Variants in SPIDR observed in about 807,000 individuals in gnomAD.
SPIDR encodes the protein scaffold protein involved in DNA repair.
SPIDR carries 93 observed loss-of-function variants against 104.6 expected under a neutral mutation model. That is an observed-to-expected ratio of 0.89 (90% CI 0.75 to 1.06). The LOEUF (loss-of-function observed/expected upper bound fraction) is 1.06, where lower values mean the gene tolerates loss of function less well. Among genes scored for constraint, SPIDR ranks in the 50% least tolerant of loss-of-function variants. SPIDR has a pLI of 0.00. For missense variants in SPIDR, 1,154 were observed against 1,111.2 expected (o/e 1.04, Z -0.55); for synonymous variants, 431 against 416.9 (o/e 1.03, Z -0.41).
intron 8 of SPIDR, among the ~76,000 whole-genome samples, chr8:47,564,298 C>T (rs1424705236): frequency 1.3e-5 from 2 of 151,874 alleles, no homozygotes; most frequent in African/African-American, 2.4e-5. Context: ...AGGATGGTCT[C>T]GATCTCTTGA....
At chr8:47,660,889 A>G (rs2074003407) in intron 10 of SPIDR, 2 of 930,290 alleles carry the variant, frequency 2.1e-6, no homozygotes, top group African/African-American at 1.8e-5. Context: ...AGTTAACTGC[A>G]TGTGTAACAA....
chr8:47,478,960 A>G (rs1415551125), intron 8 of SPIDR, among the ~76,000 whole-genome samples: 1 of 152,178 alleles, frequency 6.6e-6, no homozygotes, highest in East Asian at 1.9e-4. Flanking sequence ...GTAATAATAC[A>G]TGATTTGCTT....
intron 8 of SPIDR, among the ~76,000 whole-genome samples, chr8:47,556,835 C>T (rs1398284873): frequency 6.6e-6 from 1 of 152,096 alleles, no homozygotes; most frequent in Non-Finnish European, 1.5e-5. Context: ...AACTCCTGGC[C>T]TCAAGCAGCC....
intron 8 of SPIDR, among the ~76,000 whole-genome samples, chr8:47,447,505 C>T (rs575506081): frequency 2.0e-5 from 3 of 152,296 alleles, no homozygotes; most frequent in African/African-American, 4.8e-5. Flanking sequence ...TGAGCCACCG[C>T]GCCTGGCCAG....
intron 10 of SPIDR, among the ~76,000 whole-genome samples, chr8:47,659,510 G>GT (rs2073648476): frequency 6.6e-6 from 1 of 152,228 alleles, no homozygotes; most frequent in Admixed American, 6.5e-5. Flanking sequence ...GAGGCTGGTT[G>GT]TTTTTTGAGA....
At chr8:47,719,564 C>T (rs116849876) in intron 16 of SPIDR, among the ~76,000 whole-genome samples, 3,945 of 152,182 alleles carry the variant, frequency 0.026, 77 homozygotes, top group Non-Finnish European at 0.04. Context: ...AGTCTGATTA[C>T]GGCCAGCATT....
At chr8:47,729,182 TG>T in intron 18 of SPIDR, 135 bp downstream of exon 18, 2 of 1,526,352 alleles carry the variant, frequency 1.3e-6, no homozygotes, top group South Asian at 1.2e-5. Flanking sequence ...GGCTTGCATC[TG>T]GAACTCCCTC....
rs192012254 is a variant in SPIDR, at chr8:47,550,532, T to G, written c.1098-45279T>G. ...TTTTTTATTCTCTTTGAAGCAGTTG[T>G]GAATGGCAGTTCACTCATGATTTGG... is the stretch of plus-strand genomic sequence containing the variant. On this transcript the variant is annotated intron_variant, in intron 8 of 19. Coordinates refer to ENST00000297423, the MANE Select transcript of SPIDR (RefSeq NM_001080394.4). Among the ~76,000 whole-genome samples, 16 of 152,346 alleles carry G rather than the reference T, an allele frequency of 1.1e-4. 1 individual carries two copies. The highest frequency in any genetic ancestry group is 3.4e-3 in the Middle Eastern group (1 of 294).
chr8:47,564,282 T>A (rs1401538305), intron 8 of SPIDR, among the ~76,000 whole-genome samples: 1 of 152,028 alleles, frequency 6.6e-6, no homozygotes, highest in Admixed American at 6.5e-5. Context: ...TTTCGCCATA[T>A]TGGCCAGGAT....
intron 5 of SPIDR, among the ~76,000 whole-genome samples, chr8:47,326,136 T>C (rs2047623879): frequency 1.3e-5 from 2 of 152,170 alleles, no homozygotes; most frequent in African/African-American, 4.8e-5. Flanking sequence ...CTAAGACTAG[T>C]GGTGCATGCC....
chr8:47,606,483 AC>A (rs2062966182), intron 10 of SPIDR, among the ~76,000 whole-genome samples: 1 of 151,536 alleles, frequency 6.6e-6, no homozygotes. Context: ...CCGAGATCGC[AC>A]CACTGCACTC....
chr8:47,448,524 A>G (rs1311289188), intron 8 of SPIDR, among the ~76,000 whole-genome samples: 5 of 152,212 alleles, frequency 3.3e-5, no homozygotes, highest in Non-Finnish European at 7.3e-5. Context: ...GAGAAAAGTA[A>G]TATAAACAAG....
At chr8:47,594,447 C>T (rs552270658) in intron 8 of SPIDR, among the ~76,000 whole-genome samples, 11 of 152,060 alleles carry the variant, frequency 7.2e-5, no homozygotes, top group Non-Finnish European at 1.3e-4. Flanking sequence ...GCTCTCATTA[C>T]AGCCCAATGA....
intron 8 of SPIDR, among the ~76,000 whole-genome samples, chr8:47,444,096 C>A (rs1290464421): frequency 6.6e-6 from 1 of 152,114 alleles, no homozygotes; most frequent in Non-Finnish European, 1.5e-5. Flanking sequence ...AATCTCATGT[C>A]CCATAGTTTC....
intron 7 of SPIDR, 31 bp from the exon 8 acceptor site, chr8:47,440,291 AT>A (rs2069162376): frequency 6.3e-7 from 1 of 1,590,016 alleles, no homozygotes; most frequent in Non-Finnish European, 8.6e-7. Context: ...TTTTGATTTC[AT>A]TTTTGCTTTG....
At chr8:47,517,072 C>A (rs1235869480) in intron 8 of SPIDR, among the ~76,000 whole-genome samples, 1 of 152,046 alleles carries the variant, frequency 6.6e-6, no homozygotes, top group African/African-American at 2.4e-5. Context: ...GCAACCTCTG[C>A]CTCCCAGGTT....
intron 5 of SPIDR, among the ~76,000 whole-genome samples, chr8:47,355,190 AG>A (rs2054282874): frequency 1.3e-5 from 2 of 151,286 alleles, no homozygotes; most frequent in Admixed American, 1.3e-4. Context: ...TCCTGGCCTC[AG>A]GTGGTCCACC....
intron 10 of SPIDR, among the ~76,000 whole-genome samples, chr8:47,663,695 G>T (rs757208002): frequency 7.2e-5 from 11 of 152,156 alleles, no homozygotes; most frequent in Non-Finnish European, 1.2e-4. Flanking sequence ...GCTCACACTT[G>T]TGTACAAATT....
At chr8:47,530,242 C>T in intron 8 of SPIDR, among the ~76,000 whole-genome samples, 1 of 152,092 alleles carries the variant, frequency 6.6e-6, no homozygotes, top group East Asian at 1.9e-4. Context: ...CTGAAGTAGG[C>T]AGATAACTTG....
Sources: gnomAD v4.1 joint callset for allele counts (sites outside exome capture counted in the v4.1 genomes callset) on GRCh38, gnomAD v4.1.1 for gene constraint, MANE v1.5 for transcripts, NCBI Gene and HGNC (gene_info 2026-07-23, HGNC 2026-07-21) for gene names.